CCL18: variants seen among roughly 807,000 people sequenced by gnomAD.
The protein encoded by CCL18 is C-C motif chemokine 18.
Under a neutral mutation model 8.0 loss-of-function variants are expected in CCL18, and 7 were observed. That is an observed-to-expected ratio of 0.87 (90% confidence interval 0.50 to 1.64). The LOEUF is 1.64. Ranked by LOEUF, CCL18 falls within the 40% of genes most tolerant of loss-of-function variation. The pLI, the probability that CCL18 is intolerant of heterozygous loss-of-function variation, is 0.00. For synonymous variants in CCL18, 35 were observed against 41.3 expected (o/e 0.85, Z 0.59); for missense variants, 95 against 107.8 (o/e 0.88, Z 0.52).
chr17:36,070,823 G>A (rs899919497), intron 2 of CCL18, 128 bp from the exon 3 acceptor site: 11 of 779,286 alleles, frequency 1.4e-5, no homozygotes, highest in Middle Eastern at 3.6e-4. Flanking sequence ...TGTGAACCCC[G>A]AAGTTAAGGG....
chr17:36,070,661 G>A (rs2066860794), intron 2 of CCL18, 103 bp downstream of exon 2: 1 of 734,102 alleles, frequency 1.4e-6, no homozygotes, highest in Admixed American at 2.3e-5. Flanking sequence ...CAAGGTAAAG[G>A]ACTCCAGGGG....
chr17:36,070,262 T>C (rs1045966613), intron 1 of CCL18, 185 bp from the exon 2 acceptor site: 7 of 538,216 alleles, frequency 1.3e-5, no homozygotes, highest in East Asian at 9.2e-5. Context: ...AAGAGAAAGA[T>C]GCAGAAATTA....
rs554506467 is a variant in CCL18 at position 36,071,600 on chromosome 17, G to T, written c.*559G>T. On this transcript the variant is annotated 3_prime_UTR_variant, in exon 3 of 3. Transcript: ENST00000616054. Reference sequence around the variant, plus strand: ...AAGATAGGGACCAAGTACTTCTACAGTCATACCAGACATTTCCCTGGAGAT... The same window carrying T: ...AAGATAGGGACCAAGTACTTCTACATTCATACCAGACATTTCCCTGGAGAT... The T allele has an allele frequency of 6.5e-6, 1 of 152,810 alleles. No individual in the cohort carries two copies. Among genetic ancestry groups the T allele is most frequent in the Non-Finnish European group, 1.5e-5 (1 of 68,394 alleles). The allele number at this position is 152,810 out of a possible 1,614,324, so 9.5% of individuals were successfully genotyped here.
At chr17:36,069,497 G>A (rs910163811) in intron 1 of CCL18, among the ~76,000 whole-genome samples, 2 of 152,180 alleles carry the variant, frequency 1.3e-5, no homozygotes, top group Non-Finnish European at 2.9e-5. Context: ...TAATATCTGG[G>A]TGATGAAATA....
Position 36,071,171 on chromosome 17 carries a change from A to G in CCL18, c.*130A>G, listed in dbSNP as rs963053669. On this transcript the variant is annotated 3_prime_UTR_variant, in exon 3 of 3. Coordinates refer to ENST00000616054, the MANE Select transcript of CCL18 (RefSeq NM_002988.4). ...AGAGTCCCATCTGCTATGCCCAGCC[A>G]CATTAACTAACTTTAATCTTAGTTT... The G allele has an allele frequency of 1.7e-6, 1 of 598,410 alleles. No individual in the cohort carries two copies. The highest frequency in any genetic ancestry group is 3.0e-6 in the Non-Finnish European group (1 of 328,600). 37.1% of individuals were successfully genotyped at this position (598,410 alleles called of 1,614,324 possible). A position where few individuals can be genotyped will look rare whatever the true frequency, so the allele number is the denominator to read the frequency against.
chr17:36,070,400 T>C, intron 1 of CCL18, 47 bp from the exon 2 acceptor site: 1 of 1,184,854 alleles, frequency 8.4e-7, no homozygotes, highest in Non-Finnish European at 1.3e-6. Context: ...GCAGCTGGCT[T>C]GCCTTGTGAA....
chr17:36,066,084 G>A (rs2142050835), intron 1 of CCL18, among the ~76,000 whole-genome samples: 1 of 152,306 alleles, frequency 6.6e-6, no homozygotes, highest in African/African-American at 2.4e-5. Flanking sequence ...ATGGGTCCTA[G>A]CCCTCTCCTG....
rs1002522626 is a variant in CCL18, at chr17:36,071,200, C to A, written c.*159C>A. On this transcript the variant is annotated 3_prime_UTR_variant, in exon 3 of 3. Transcript: ENST00000616054. The stretch of plus-strand genomic sequence containing the variant: ...TAACTAACTTTAATCTTAGTTTATG[C>A]ATCATATTTCATTTTGAAATTGATT... 3.5e-6 allele frequency: 2 copies of A among 571,696 alleles called. No homozygotes were observed. The highest frequency in any genetic ancestry group is 6.3e-6 in the Non-Finnish European group (2 of 315,976). The allele number at this position is 571,696 out of a possible 1,614,324, so 35.4% of individuals were successfully genotyped here.
At chr17:36,067,443 T>C (rs1245463240) in intron 1 of CCL18, among the ~76,000 whole-genome samples, 1 of 152,080 alleles carries the variant, frequency 6.6e-6, no homozygotes, top group African/African-American at 2.4e-5. Context: ...TCCTAGCACT[T>C]TGGGAGGCCG....
At chr17:36,069,897 C>T (rs755160539) in intron 1 of CCL18, among the ~76,000 whole-genome samples, 6 of 152,198 alleles carry the variant, frequency 3.9e-5, no homozygotes, top group Non-Finnish European at 7.3e-5. Flanking sequence ...CCCCACTGCC[C>T]GAGTCTATCT....
At chr17:36,068,052 G>T (rs2066846548) in intron 1 of CCL18, among the ~76,000 whole-genome samples, 1 of 152,150 alleles carries the variant, frequency 6.6e-6, no homozygotes, top group Admixed American at 6.5e-5. Flanking sequence ...TACAGTGAAG[G>T]TGTACGGTAG....
chr17:36,066,233 G>C (rs1031092387), intron 1 of CCL18, among the ~76,000 whole-genome samples: 2 of 152,178 alleles, frequency 1.3e-5, no homozygotes, highest in Non-Finnish European at 2.9e-5. Context: ...TGTCTGTCCA[G>C]AGCATAGGGA....
Position 36,071,086 on chromosome 17 carries a change from G to A in CCL18, c.*45G>A, listed in dbSNP as rs746895944. On this transcript the variant is annotated 3_prime_UTR_variant, in exon 3 of 3. Coordinates refer to ENST00000616054, the MANE Select transcript of CCL18 (RefSeq NM_002988.4). ...GGCCCAGTGAACTTGGTGGGCCCAGGAGGGAACAGGAGCCTGAGCCAGGGC... is the reference window on the plus strand; with the variant it reads ...GGCCCAGTGAACTTGGTGGGCCCAGAAGGGAACAGGAGCCTGAGCCAGGGC... 6 of 1,370,810 alleles carry A rather than the reference G, an allele frequency of 4.4e-6. No individual in the cohort carries two copies. In the African/African-American group the frequency reaches 5.7e-5, roughly 13 times the overall value. 84.9% of individuals were successfully genotyped at this position (1,370,810 alleles called of 1,614,324 possible).
intron 1 of CCL18, among the ~76,000 whole-genome samples, chr17:36,068,162 A>T (rs2066847145): frequency 6.6e-6 from 1 of 152,198 alleles, no homozygotes; most frequent in Non-Finnish European, 1.5e-5. Context: ...TAAGTGATGC[A>T]TGGCTGTATA....
At chr17:36,067,083 C>G (rs988109616) in intron 1 of CCL18, among the ~76,000 whole-genome samples, 1 of 152,162 alleles carries the variant, frequency 6.6e-6, no homozygotes, top group Non-Finnish European at 1.5e-5. Flanking sequence ...TGTGTTTGAT[C>G]CAGACCCAAA....
intron 1 of CCL18, among the ~76,000 whole-genome samples, chr17:36,070,095 A>T (rs188739162): frequency 6.6e-6 from 1 of 152,154 alleles, no homozygotes; most frequent in East Asian, 1.9e-4. Flanking sequence ...ATCTGGGTCC[A>T]ATTGGTTCTC....
chr17:36,068,641 C>T (rs2066849683), intron 1 of CCL18, among the ~76,000 whole-genome samples: 1 of 152,180 alleles, frequency 6.6e-6, no homozygotes, highest in African/African-American at 2.4e-5. Context: ...TTCCTGTACT[C>T]CTATGAGACT....
chr17:36,071,236 AGCT>A lies in CCL18; in HGVS notation c.*198_*200del. On this transcript the variant is annotated 3_prime_UTR_variant, in exon 3 of 3. Transcript: ENST00000616054. ...ATTTTGAAATTGATTTCTATTGTTG[AGCT>A]GCATTATGAAATTAGTATTTTCTCT... 1 of 557,576 alleles carries A rather than the reference AGCT, an allele frequency of 1.8e-6. No individual in the cohort carries two copies. The highest frequency in any genetic ancestry group is 3.0e-5 in the East Asian group (1 of 33,640). The allele number at this position is 557,576 out of a possible 1,614,324, so 34.5% of individuals were successfully genotyped here. A position where few individuals can be genotyped will look rare whatever the true frequency, so the allele number is the denominator to read the frequency against.
Position 36,071,465 on chromosome 17 carries a change from C to G in CCL18, c.*424C>G, listed in dbSNP as rs2066866418. 1.3e-5 allele frequency: 2 copies of G among 157,328 alleles called. No individual in the cohort carries two copies. The highest frequency in any genetic ancestry group is 3.9e-4 in the South Asian group (2 of 5,192). The allele number at this position is 157,328 out of a possible 1,614,324, so 9.7% of individuals were successfully genotyped here. A position where few individuals can be genotyped will look rare whatever the true frequency, so the allele number is the denominator to read the frequency against. On this transcript the variant is annotated 3_prime_UTR_variant, in exon 3 of 3. Coordinates refer to ENST00000616054, the MANE Select transcript of CCL18 (RefSeq NM_002988.4). Reference sequence around the variant, plus strand: ...AGTACTTATTATATAAAAGGTAAACCAGCATTCTCACTGTGACGACTCTGT... The same window carrying G: ...AGTACTTATTATATAAAAGGTAAACGAGCATTCTCACTGTGACGACTCTGT...
Sources: gnomAD v4.1 joint callset for allele counts (sites outside exome capture counted in the v4.1 genomes callset) on GRCh38, gnomAD v4.1.1 for gene constraint, MANE v1.5 for transcripts, NCBI Gene and HGNC (gene_info 2026-07-23, HGNC 2026-07-21) for gene names.